Variants in PLCH1 observed in about 807,000 individuals in gnomAD.
PLCH1 encodes 1-phosphatidylinositol 4,5-bisphosphate phosphodiesterase eta-1.
PLCH1 carries 60 observed loss-of-function variants against 126.7 expected under a neutral mutation model. That is an observed-to-expected ratio of 0.47 (90% CI 0.38 to 0.59). PLCH1 has a LOEUF of 0.59. Among genes scored for constraint, PLCH1 ranks in the 20% least tolerant of loss-of-function variants. The probability of loss-of-function intolerance (pLI) is 0.00; values close to 1 mark genes in which losing one functional copy is unlikely to be tolerated. For missense variants in PLCH1, 1,723 were observed against 2,040.0 expected, an observed-to-expected ratio of 0.84 and a Z score of 2.99; for synonymous variants, 719 against 734.9, an observed-to-expected ratio of 0.98 and a Z score of 0.35.
At chr3:155,743,279 C>T in intron 1 of PLCH1, 1 of 451,976 alleles carries the variant, frequency 2.2e-6, no homozygotes, top group Non-Finnish European at 4.4e-6. Context: ...CGCCTGTGAT[C>T]CCCACACTTT....
At chr3:155,469,482 G>A (rs1461448831) in intron 21 of PLCH1, among the ~76,000 whole-genome samples, 12 of 151,592 alleles carry the variant, frequency 7.9e-5, no homozygotes, top group South Asian at 4.2e-4. Flanking sequence ...ACTGCAAGGC[G>A]GCAGCGAGGC....
chr3:155,469,347 C>G (rs1031370765), intron 21 of PLCH1, among the ~76,000 whole-genome samples: 1 of 152,164 alleles, frequency 6.6e-6, no homozygotes, highest in Non-Finnish European at 1.5e-5. Context: ...CACTCCCACC[C>G]GAATACTGCG....
At chr3:155,574,064 T>A (rs1447357399) in intron 6 of PLCH1, among the ~76,000 whole-genome samples, 1 of 151,984 alleles carries the variant, frequency 6.6e-6, no homozygotes, top group Non-Finnish European at 1.5e-5. Flanking sequence ...CAAGCATGCA[T>A]CACCACGCCC....
chr3:155,564,291 G>A (rs751397806), intron 8 of PLCH1, among the ~76,000 whole-genome samples: 1 of 152,030 alleles, frequency 6.6e-6, no homozygotes, highest in African/African-American at 2.4e-5. Flanking sequence ...TTGGCCAGGC[G>A]CGGGGGCTCA....
At chr3:155,486,161 G>A (rs1375992438) in intron 21 of PLCH1, 1 of 1,545,440 alleles carries the variant, frequency 6.5e-7, no homozygotes, top group African/African-American at 1.4e-5. Context: ...GTAGCTCCTA[G>A]AAAGTGCAAT....
At chr3:155,720,985 TC>T (rs1747907648) in intron 1 of PLCH1, among the ~76,000 whole-genome samples, 1 of 152,210 alleles carries the variant, frequency 6.6e-6, no homozygotes, top group African/African-American at 2.4e-5. Context: ...GGGTGTCCTT[TC>T]CCCATGTTTT....
intron 6 of PLCH1, among the ~76,000 whole-genome samples, chr3:155,579,654 A>G (rs1472760837): frequency 6.6e-6 from 1 of 152,218 alleles, no homozygotes; most frequent in Non-Finnish European, 1.5e-5. Flanking sequence ...TGTTTAATGC[A>G]TTTAACTTTG....
intron 1 of PLCH1, among the ~76,000 whole-genome samples, chr3:155,731,986 CAAAA>C (rs11449385): frequency 2.9e-5 from 2 of 68,286 alleles, no homozygotes; most frequent in Admixed American, 1.7e-4. Context: ...GACCCTGTCT[CAAAA>C]AAAAAAAAAA....
Position 155,554,104 on chromosome 3 carries a change from T to C in PLCH1, c.1162A>G (p.Ile388Val). The change falls in exon 9 of 23, where the codon ATC becomes GTC. Residue 388 changes from isoleucine to valine, a missense_variant. Physicochemically the swap from Ile to Val is conservative, Grantham distance 29 (BLOSUM62 3). Around this residue, in one of 2 missense-constraint regions of PLCH1, gnomAD observed 776 missense variants for 1,062.9 expected, o/e 0.73. Coordinates refer to ENST00000460012, the MANE Select transcript of PLCH1 (RefSeq NM_014996.4). Reference sequence around the variant, plus strand: ...TTCTTCACAAAGGCATGCTTGTTGATGGTCTCCACAACATCTCTGAAGAGA... The same window carrying C: ...TTCTTCACAAAGGCATGCTTGTTGACGGTCTCCACAACATCTCTGAAGAGA... ...KILFRDVVET[I>V]NKHAFVKNEF... The C allele has an allele frequency of 6.2e-7, 1 of 1,613,834 alleles. No individual in the cohort carries two copies.
chr3:155,486,526 T>G (rs943071806), intron 21 of PLCH1, among the ~76,000 whole-genome samples: 6 of 147,434 alleles, frequency 4.1e-5, no homozygotes, highest in East Asian at 3.9e-4. Context: ...TTTTTTTTTT[T>G]TTTTTTTTTG....
chr3:155,737,993 C>G (rs1412896118), intron 1 of PLCH1, among the ~76,000 whole-genome samples: 1 of 152,178 alleles, frequency 6.6e-6, no homozygotes, highest in African/African-American at 2.4e-5. Flanking sequence ...TGCCTTGGAT[C>G]AGTTAATCAG....
In PLCH1 at chr3:155,554,182, C is replaced by T; in HGVS notation, c.1084G>A (p.Gly362Ser). 1 of 1,613,418 alleles carries T rather than the reference C, an allele frequency of 6.2e-7. No homozygotes were observed. The change falls in exon 9 of 23, where the codon GGC becomes AGC. Residue 362 changes from glycine (G) to serine (S), a missense_variant. Coordinates refer to ENST00000460012, the MANE Select transcript of PLCH1 (RefSeq NM_014996.4). ...TGTACTACTGGCTCTCCATCTGGGC[C>T]ATCCCAACAGTCAACTGCCAAAAAC... is the stretch of plus-strand genomic sequence containing the variant. ...CRCVEVDCWD[G>S]PDGEPVVHHG...
In PLCH1 at chr3:155,724,758, G is replaced by A. The variant is rs375935493; in HGVS notation, c.-41+20082C>T. 3.0e-3 allele frequency among the ~76,000 whole-genome samples: 455 copies of A among 151,464 alleles called. 2 individuals are homozygous for A. The highest frequency in any genetic ancestry group is 3.4e-3 in the Middle Eastern group (1 of 294). ...TTACATTCAATGTTAGTATTGAGAT[G>A]TGAGGTACTATTCTATTCATCATGG... On this transcript the variant is annotated intron_variant, in intron 1 of 22. Coordinates refer to ENST00000460012, the MANE Select transcript of PLCH1 (RefSeq NM_014996.4).
intron 2 of PLCH1, among the ~76,000 whole-genome samples, chr3:155,697,812 C>T (rs1288381975): frequency 2.0e-5 from 3 of 152,154 alleles, no homozygotes; most frequent in Non-Finnish European, 4.4e-5. Context: ...TCCTTGGTAA[C>T]AGAGGGAGCC....
At chr3:155,625,842 C>A (rs1737172081) in intron 2 of PLCH1, among the ~76,000 whole-genome samples, 1 of 152,176 alleles carries the variant, frequency 6.6e-6, no homozygotes, top group South Asian at 2.1e-4. Context: ...GGATCTAGAA[C>A]TAGAAATACC....
chr3:155,527,805 A>G (rs1722152555), intron 10 of PLCH1, among the ~76,000 whole-genome samples: 2 of 151,864 alleles, frequency 1.3e-5, no homozygotes, highest in South Asian at 2.1e-4. Flanking sequence ...TTGTAATCCC[A>G]GCTACTCGGG....
chr3:155,537,530 C>G (rs187705854), intron 10 of PLCH1, among the ~76,000 whole-genome samples: 2 of 152,010 alleles, frequency 1.3e-5, no homozygotes, highest in African/African-American at 4.8e-5. Flanking sequence ...GACTCATAAA[C>G]TTAAAGTAAA....
intron 11 of PLCH1, among the ~76,000 whole-genome samples, chr3:155,520,533 A>C (rs1720943909): frequency 6.6e-6 from 1 of 152,244 alleles, no homozygotes; most frequent in Admixed American, 6.5e-5. Context: ...AGATTTAGAG[A>C]GCACAAGATA....
intron 1 of PLCH1, among the ~76,000 whole-genome samples, chr3:155,724,813 TTGTGTGTGTGTGTGTGTG>T (rs60805589): frequency 7.1e-6 from 1 of 140,064 alleles, no homozygotes; most frequent in South Asian, 2.3e-4. Flanking sequence ...TTGGGGGGTT[TTGTGTGTGTGTGTGTGTG>T]TGTGTGTGTG....
Sources: allele counts gnomAD v4.1 joint callset (sites outside exome capture counted in the v4.1 genomes callset), GRCh38; gene constraint gnomAD v4.1.1; regional missense constraint gnomAD v4.1.1; transcripts MANE v1.5; gene names NCBI Gene and HGNC (gene_info 2026-07-23, HGNC 2026-07-21).